Variants in SLC71A2 observed in about 807,000 individuals in gnomAD.
SLC71A2 encodes the protein solute carrier family 71 member 2.
At chr9:94,430,524 G>A in the SLC71A2 span, among the ~76,000 whole-genome samples, 1 of 152,058 alleles carries the variant, frequency 6.6e-6, no homozygotes, top group African/African-American at 2.4e-5. Context: ...CGCCTGGCCT[G>A]TATTCTGTTT....
At chr9:94,422,145 A>G in the SLC71A2 span, among the ~76,000 whole-genome samples, 1 of 152,172 alleles carries the variant, frequency 6.6e-6, no homozygotes, top group African/African-American at 2.4e-5. Context: ...CGGACTCCCA[A>G]AGTGCTTGAG....
the SLC71A2 span, among the ~76,000 whole-genome samples, chr9:94,443,320 G>A: frequency 6.6e-6 from 1 of 152,144 alleles, no homozygotes; most frequent in Non-Finnish European, 1.5e-5. Context: ...ATGCAAGGCT[G>A]CCTGGATTGC....
chr9:94,408,607 G>A, the SLC71A2 span, among the ~76,000 whole-genome samples: 28 of 151,500 alleles, frequency 1.8e-4, no homozygotes, highest in East Asian at 1.7e-3. Context: ...CTAGGAGTTT[G>A]TCCATTTTGT....
the SLC71A2 span, among the ~76,000 whole-genome samples, chr9:94,385,071 T>G: frequency 6.6e-6 from 1 of 151,948 alleles, no homozygotes; most frequent in Non-Finnish European, 1.5e-5. Context: ...GCCAGTAAAT[T>G]TCATTTCATT....
At chr9:94,432,256 T>G in the SLC71A2 span, among the ~76,000 whole-genome samples, 2,172 of 148,318 alleles carry the variant, frequency 0.015, no homozygotes, top group East Asian at 0.18. Flanking sequence ...ATCCCAGCAC[T>G]TTGGGAGGCC....
the SLC71A2 span, among the ~76,000 whole-genome samples, chr9:94,390,827 A>G: frequency 6.6e-6 from 1 of 152,202 alleles, no homozygotes; most frequent in Non-Finnish European, 1.5e-5. Flanking sequence ...TGGTTGATGA[A>G]GAGCACAGTC....
the SLC71A2 span, among the ~76,000 whole-genome samples, chr9:94,430,633 T>C: frequency 6.6e-6 from 1 of 152,190 alleles, no homozygotes; most frequent in Non-Finnish European, 1.5e-5. Context: ...ATGTTAACAT[T>C]GTTCTCGAAC....
the SLC71A2 span, among the ~76,000 whole-genome samples, chr9:94,406,648 C>T: frequency 2.6e-5 from 4 of 152,198 alleles, no homozygotes; most frequent in Non-Finnish European, 4.4e-5. Flanking sequence ...ATTAGGATTA[C>T]AGGTGTGAGC....
the SLC71A2 span, among the ~76,000 whole-genome samples, chr9:94,449,192 T>C: frequency 1.4e-4 from 21 of 152,200 alleles, no homozygotes; most frequent in African/African-American, 5.1e-4. Context: ...CCTACACATA[T>C]GCTCATGTCA....
the SLC71A2 span, among the ~76,000 whole-genome samples, chr9:94,449,370 T>C: frequency 2.6e-5 from 4 of 152,212 alleles, no homozygotes; most frequent in African/African-American, 7.2e-5. Context: ...AGAACTCTTA[T>C]AATAAAAGAC....
chr9:94,379,335 C>T, the SLC71A2 span, among the ~76,000 whole-genome samples: 2 of 147,572 alleles, frequency 1.4e-5, no homozygotes, highest in East Asian at 2.0e-4. Context: ...ATCCACCTGC[C>T]TTGGCCTCCC....
chr9:94,376,069 GAGA>G, the SLC71A2 span, among the ~76,000 whole-genome samples: 11 of 152,134 alleles, frequency 7.2e-5, no homozygotes, highest in African/African-American at 2.7e-4. Flanking sequence ...TCTGTAATAT[GAGA>G]AGCTTATTTT....
the SLC71A2 span, chr9:94,445,253 T>TA: frequency 7.9e-7 from 1 of 1,266,724 alleles, no homozygotes; most frequent in East Asian, 2.5e-5. Context: ...AGTATGTATG[T>TA]GCAGCCTCAA....
the SLC71A2 span, chr9:94,459,092 T>C: frequency 1.2e-5 from 18 of 1,507,958 alleles, no homozygotes; most frequent in Non-Finnish European, 1.6e-5. Flanking sequence ...TTTTGGGTAA[T>C]CTAGGAATAA....
the SLC71A2 span, chr9:94,451,585 T>C: frequency 1.1e-6 from 1 of 901,300 alleles, no homozygotes; most frequent in Non-Finnish European, 1.7e-6. Context: ...TAACCATAGT[T>C]TCACAGGAAG....
chr9:94,429,335 T>C, the SLC71A2 span: 32 of 1,485,488 alleles, frequency 2.2e-5, no homozygotes, highest in Non-Finnish European at 2.8e-5. Flanking sequence ...TAGTGGGACT[T>C]TGGGAAACAA....
At chr9:94,401,815 A>C in the SLC71A2 span, among the ~76,000 whole-genome samples, 1 of 152,030 alleles carries the variant, frequency 6.6e-6, no homozygotes, top group African/African-American at 2.4e-5. Flanking sequence ...AGTGAAAGCA[A>C]GTTTATTAGG....
the SLC71A2 span, chr9:94,460,320 T>C: frequency 6.6e-6 from 1 of 152,662 alleles, no homozygotes; most frequent in Admixed American, 6.5e-5. Flanking sequence ...TATGATTTGC[T>C]TCTTCCCATG....
chr9:94,444,864 C>T, the SLC71A2 span: 3 of 1,079,066 alleles, frequency 2.8e-6, no homozygotes, highest in Non-Finnish European at 4.2e-6. Context: ...GTGTGCTTTC[C>T]TGAAGGTGTG....
Sources: allele counts gnomAD v4.1 joint callset (sites outside exome capture counted in the v4.1 genomes callset), GRCh38; gene constraint gnomAD v4.1.1; transcripts MANE v1.5; gene names NCBI Gene and HGNC (gene_info 2026-07-23, HGNC 2026-07-21).